Variants in LPA observed in about 807,000 individuals in gnomAD.
LPA encodes lipoprotein(a), also known as apolipoprotein(a).
Under a neutral mutation model 197.9 loss-of-function variants are expected in LPA, and 199 were observed. That is an observed-to-expected ratio of 1.01 (90% CI 0.90 to 1.13). The LOEUF (loss-of-function observed/expected upper bound fraction) is 1.13. Among genes scored for constraint, LPA ranks in the 50% most tolerant of loss-of-function variants. The pLI, the probability that LPA is intolerant of heterozygous loss-of-function variation, is 0.00. For synonymous variants in LPA, 715 were observed against 639.5 expected (o/e 1.12, Z -1.78); for missense variants, 1,853 against 1,785.8 (o/e 1.04, Z -0.68).
chr6:160,568,124 C>T (rs557696800), intron 28 of LPA, among the ~76,000 whole-genome samples: 9 of 152,296 alleles, frequency 5.9e-5, no homozygotes, highest in Admixed American at 4.6e-4. Flanking sequence ...AGGGAATCCT[C>T]CCTAACTCAT....
chr6:160,598,971 T>A (rs1461520863), intron 20 of LPA, among the ~76,000 whole-genome samples: 1 of 152,212 alleles, frequency 6.6e-6, no homozygotes, highest in Non-Finnish European at 1.5e-5. Flanking sequence ...TCATCCCGGC[T>A]GTTTTATTAA....
At chr6:160,593,291 G>A (rs1037150214) in intron 22 of LPA, among the ~76,000 whole-genome samples, 1 of 152,128 alleles carries the variant, frequency 6.6e-6, no homozygotes, top group East Asian at 1.9e-4. Flanking sequence ...TGTCATGTCT[G>A]TTGTCCAACC....
At chr6:160,538,260 C>T (rs1777923881) in intron 36 of LPA, among the ~76,000 whole-genome samples, 2 of 152,174 alleles carry the variant, frequency 1.3e-5, no homozygotes, top group South Asian at 2.1e-4. Flanking sequence ...ATTCTGTGCA[C>T]GATTGGAATC....
At chr6:160,537,806 ACTG>A in intron 37 of LPA, 46 bp downstream of exon 37, 2 of 1,524,420 alleles carry the variant, frequency 1.3e-6, no homozygotes, top group East Asian at 4.5e-5. Context: ...TGTAACATGC[ACTG>A]AAGGTCAAAA....
chr6:160,583,803 G>A (rs1381421073), intron 26 of LPA, among the ~76,000 whole-genome samples: 3 of 152,120 alleles, frequency 2.0e-5, no homozygotes, highest in African/African-American at 7.2e-5. Flanking sequence ...TAGCAAGACT[G>A]CTGTGGAATG....
chr6:160,647,002 A>C (rs1333813413), intron 2 of LPA, among the ~76,000 whole-genome samples: 1 of 152,104 alleles, frequency 6.6e-6, no homozygotes, highest in South Asian at 2.1e-4. Flanking sequence ...TGTCATTCCC[A>C]TATCATGTCG....
chr6:160,565,922 G>A (rs1280157103), intron 28 of LPA, among the ~76,000 whole-genome samples: 1 of 151,964 alleles, frequency 6.6e-6, no homozygotes, highest in African/African-American at 2.4e-5. Context: ...TGGAAGAAAG[G>A]GTATCAGTGA....
chr6:160,663,328 C>G (rs1055595170), intron 1 of LPA, among the ~76,000 whole-genome samples: 1 of 152,122 alleles, frequency 6.6e-6, no homozygotes, highest in African/African-American at 2.4e-5. Flanking sequence ...TAGATTTTTT[C>G]TTGGAAATCT....
intron 22 of LPA, among the ~76,000 whole-genome samples, chr6:160,591,992 A>T (rs1304571421): frequency 6.6e-6 from 1 of 152,188 alleles, no homozygotes; most frequent in African/African-American, 2.4e-5. Flanking sequence ...ACCCCAGTAA[A>T]TCAGAGTTTT....
rs926346468 is a variant in LPA, at chr6:160,531,615, G to A, written c.*114C>T. ...AAAATGCCAAGGTTTGGCATAGCTG[G>A]TAGCTGGGAACAGTGTCTTCGTTTG... On this transcript the variant is annotated 3_prime_UTR_variant, in exon 39 of 39. Transcript: ENST00000316300. 3 of 1,425,702 alleles carry A rather than the reference G, an allele frequency of 2.1e-6. No homozygotes were observed. The highest frequency in any genetic ancestry group is 3.0e-6 in the Non-Finnish European group (3 of 1,013,998). The allele number at this position is 1,425,702 out of a possible 1,614,324, so 88.3% of individuals were successfully genotyped here.
chr6:160,634,795 C>G (rs7746273), intron 7 of LPA, among the ~76,000 whole-genome samples: 44,869 of 133,444 alleles, frequency 0.34, 10,985 homozygotes, highest in African/African-American at 0.36. Flanking sequence ...AAGCTTACTG[C>G]GACAGAAAGA....
At chr6:160,593,629 A>T (rs1251778673) in intron 22 of LPA, among the ~76,000 whole-genome samples, 2 of 152,206 alleles carry the variant, frequency 1.3e-5, no homozygotes, top group African/African-American at 4.8e-5. Context: ...AATGACAGAA[A>T]TCCCTGGTTG....
chr6:160,572,717 G>A (rs1427540645), intron 28 of LPA, among the ~76,000 whole-genome samples: 1 of 152,126 alleles, frequency 6.6e-6, no homozygotes, highest in Non-Finnish European at 1.5e-5. Context: ...TTTGTTTGAG[G>A]AGGCTATGAT....
chr6:160,553,963 G>GCGCGCGCGCGCA (rs1554231719), intron 30 of LPA, among the ~76,000 whole-genome samples: 1 of 150,004 alleles, frequency 6.7e-6, no homozygotes, highest in African/African-American at 2.5e-5. Context: ...GTGCGCGCGC[G>GCGCGCGCGCGCA]CGCGTGTGCG....
chr6:160,647,160 A>G (rs78822335), intron 2 of LPA, among the ~76,000 whole-genome samples: 14,054 of 152,162 alleles, frequency 0.092, 819 homozygotes, highest in Non-Finnish European at 0.14. Flanking sequence ...GCCACTCCAG[A>G]ACTGGGGGAT....
At chr6:160,560,071 A>G (rs988809896) in intron 28 of LPA, among the ~76,000 whole-genome samples, 21 of 152,194 alleles carry the variant, frequency 1.4e-4, no homozygotes, top group Admixed American at 1.3e-3. Flanking sequence ...TAGTTTGCTG[A>G]GAATGATGGT....
intron 30 of LPA, among the ~76,000 whole-genome samples, chr6:160,555,549 A>G (rs1778248607): frequency 6.7e-6 from 1 of 149,398 alleles, no homozygotes; most frequent in Admixed American, 6.8e-5. Flanking sequence ...TTATATGAAC[A>G]TATATATGTA....
At chr6:160,601,795 C>A (rs1409590533) in intron 18 of LPA, among the ~76,000 whole-genome samples, 4 of 152,206 alleles carry the variant, frequency 2.6e-5, no homozygotes, top group Non-Finnish European at 4.4e-5. Flanking sequence ...AGGATGGGTT[C>A]CTGGTCAGGA....
At chr6:160,654,050 A>ATTATATATATTATATATAAT (rs1562354958) in intron 1 of LPA, among the ~76,000 whole-genome samples, 1 of 8,352 alleles carries the variant, frequency 1.2e-4, no homozygotes, top group African/African-American at 4.6e-4. Flanking sequence ...TATAATATAT[A>ATTATATATATTATATATAAT]ATATATTATA....
Sources: gnomAD v4.1 joint callset for allele counts (sites outside exome capture counted in the v4.1 genomes callset) on GRCh38, gnomAD v4.1.1 for gene constraint, MANE v1.5 for transcripts, NCBI Gene and HGNC (gene_info 2026-07-23, HGNC 2026-07-21) for gene names.